The following PDE11A variants were observed in gnomAD, a reference collection of about 807,000 sequenced individuals.
PDE11A encodes dual 3',5'-cyclic-AMP and -GMP phosphodiesterase 11A.
PDE11A carries 100 observed loss-of-function variants against 100.5 expected under a neutral mutation model. The observed-to-expected ratio is 1.00, with a 90% CI of 0.85 to 1.18. PDE11A has a LOEUF of 1.18. Among genes scored for constraint, PDE11A ranks in the 50% most tolerant of loss-of-function variants. PDE11A has a pLI of 0.00. For missense variants in PDE11A, 1,141 were observed against 1,152.6 expected, an observed-to-expected ratio of 0.99 and a Z score of 0.15; for synonymous variants, 381 against 420.8, an observed-to-expected ratio of 0.91 and a Z score of 1.16.
At chr2:177,907,003 G>A (rs1382263394) in intron 2 of PDE11A, among the ~76,000 whole-genome samples, 1 of 152,024 alleles carries the variant, frequency 6.6e-6, no homozygotes, top group African/African-American at 2.4e-5. Flanking sequence ...TGCCTTCAGG[G>A]GACAAATTTA....
intron 19 of PDE11A, among the ~76,000 whole-genome samples, chr2:177,659,260 TC>T (rs1559130102): frequency 8.8e-5 from 4 of 45,424 alleles, no homozygotes; most frequent in South Asian, 8.7e-4. Context: ...AAATTCTATC[TC>T]AGGGGGAAAA....
intron 2 of PDE11A, among the ~76,000 whole-genome samples, chr2:178,091,666 T>C (rs1161270797): frequency 6.6e-6 from 1 of 152,198 alleles, no homozygotes; most frequent in Non-Finnish European, 1.5e-5. Flanking sequence ...CTTGCAGGAC[T>C]GCACAGCTGT....
At chr2:177,907,031 A>C (rs1237218458) in intron 2 of PDE11A, among the ~76,000 whole-genome samples, 1 of 152,176 alleles carries the variant, frequency 6.6e-6, no homozygotes, top group Non-Finnish European at 1.5e-5. Context: ...TGGTAAGTCA[A>C]GCAAGTAAGA....
intron 5 of PDE11A, among the ~76,000 whole-genome samples, chr2:177,853,963 T>TACAC (rs150868134): frequency 6.8e-6 from 1 of 146,812 alleles, no homozygotes; most frequent in East Asian, 2.0e-4. Flanking sequence ...TATATGTGTA[T>TACAC]ACACACACAC....
chr2:177,828,335 G>A (rs1214923149), intron 6 of PDE11A, among the ~76,000 whole-genome samples: 1 of 151,850 alleles, frequency 6.6e-6, no homozygotes, highest in Non-Finnish European at 1.5e-5. Context: ...TAATATATTT[G>A]ACAATATTGA....
chr2:177,727,943 T>C, intron 11 of PDE11A, 83 bp downstream of exon 11: 1 of 1,249,810 alleles, frequency 8.0e-7, no homozygotes, highest in Non-Finnish European at 1.2e-6. Flanking sequence ...ATCCCCATTT[T>C]GTATTTGGGA....
chr2:177,774,539 C>G (rs865846208), intron 9 of PDE11A, among the ~76,000 whole-genome samples: 1 of 152,144 alleles, frequency 6.6e-6, no homozygotes, highest in Non-Finnish European at 1.5e-5. Context: ...TTTGGCTGCT[C>G]TTTATGTTTT....
At chr2:177,813,529 T>G (rs1246224476) in intron 9 of PDE11A, among the ~76,000 whole-genome samples, 1 of 152,124 alleles carries the variant, frequency 6.6e-6, no homozygotes, top group Middle Eastern at 3.2e-3. Context: ...CTCTGCCCCA[T>G]TTGTGAGAAT....
chr2:177,866,479 C>T lies in PDE11A; in HGVS notation c.1367+9380G>A, dbSNP rs540190535. Among the ~76,000 whole-genome samples, 157 of 152,354 alleles carry T rather than the reference C, an allele frequency of 1.0e-3. 2 individuals are homozygous for T. Among genetic ancestry groups the T allele is most frequent in the Middle Eastern group, 0.01 (3 of 294 alleles). On this transcript the variant is annotated intron_variant, in intron 5 of 19. Transcript: ENST00000286063. ...GGTCAAATGCTCTCCCCATCTACTG[C>T]TGATCCTGCTCTCTTTAGCTTTCAC... is the stretch of plus-strand genomic sequence containing the variant.
intron 6 of PDE11A, among the ~76,000 whole-genome samples, chr2:177,823,574 T>C (rs2083178909): frequency 6.6e-6 from 1 of 152,184 alleles, no homozygotes; most frequent in African/African-American, 2.4e-5. Context: ...GGAGATTAAC[T>C]GCCTTGAATG....
chr2:177,815,679 C>T (rs1250468804), intron 9 of PDE11A, among the ~76,000 whole-genome samples: 1 of 152,084 alleles, frequency 6.6e-6, no homozygotes, highest in East Asian at 1.9e-4. Context: ...ATGATTTAGC[C>T]AGAAAATTAA....
At chr2:177,845,815 G>A (rs1048065981) in intron 5 of PDE11A, among the ~76,000 whole-genome samples, 3 of 152,226 alleles carry the variant, frequency 2.0e-5, no homozygotes, top group African/African-American at 7.2e-5. Context: ...GATCACTTGC[G>A]GTTAGGGGCT....
At chr2:178,012,155 A>G (rs1026138451) in intron 2 of PDE11A, among the ~76,000 whole-genome samples, 6 of 152,186 alleles carry the variant, frequency 3.9e-5, no homozygotes, top group Non-Finnish European at 1.5e-5. Context: ...ACTTCTTACA[A>G]GAAGCAAAAC....
At chr2:177,633,557 C>T (rs2079988566) in intron 19 of PDE11A, among the ~76,000 whole-genome samples, 1 of 152,204 alleles carries the variant, frequency 6.6e-6, no homozygotes, top group African/African-American at 2.4e-5. Context: ...ACAGAAACAT[C>T]TAATTTTAAA....
chr2:177,736,974 C>T (rs915806451), intron 10 of PDE11A, among the ~76,000 whole-genome samples: 1 of 152,150 alleles, frequency 6.6e-6, no homozygotes, highest in Non-Finnish European at 1.5e-5. Context: ...GGTGCGGTGG[C>T]TCACACCTGT....
Position 178,072,347 on chromosome 2 carries a change from TC to T in PDE11A, c.90del (p.Lys31SerfsTer19). 1 of 1,614,068 alleles carries T rather than the reference TC, an allele frequency of 6.2e-7. No homozygotes were observed. The highest frequency in any genetic ancestry group is 8.5e-7 in the Non-Finnish European group (1 of 1,180,032). On this transcript the variant is annotated frameshift_variant, in exon 1 of 20. Coordinates refer to ENST00000286063, the MANE Select transcript of PDE11A (RefSeq NM_016953.4). LOFTEE classifies it high-confidence loss of function. ...AGCCACTTTTCAACCATCTCCTGCTTCCCCTTCCGCATCAAGTAATCTTCAA... is the reference window on the plus strand; with the variant it reads ...AGCCACTTTTCAACCATCTCCTGCTTCCCTTCCGCATCAAGTAATCTTCAA... ...ELFEDYLMRK[G>X]KQEMVEKWLQ...
intron 2 of PDE11A, among the ~76,000 whole-genome samples, chr2:177,970,106 T>G (rs2085751531): frequency 6.6e-6 from 1 of 152,134 alleles, no homozygotes. Flanking sequence ...TGGCAAAAAT[T>G]CCAACGTAAA....
At chr2:177,747,463 G>A in intron 10 of PDE11A, among the ~76,000 whole-genome samples, 1 of 152,202 alleles carries the variant, frequency 6.6e-6, no homozygotes, top group Non-Finnish European at 1.5e-5. Context: ...AGAATGGGTG[G>A]CACAGGGAGT....
chr2:177,838,434 T>C (rs191920979), intron 6 of PDE11A, among the ~76,000 whole-genome samples: 4 of 151,874 alleles, frequency 2.6e-5, no homozygotes, highest in African/African-American at 9.7e-5. Context: ...AAATGAAATA[T>C]TTTTTTAAAA....
Sources: gnomAD v4.1 joint callset for allele counts (sites outside exome capture counted in the v4.1 genomes callset) on GRCh38, gnomAD v4.1.1 for gene constraint, MANE v1.5 for transcripts, NCBI Gene and HGNC (gene_info 2026-07-23, HGNC 2026-07-21) for gene names.